Variants in GPC5 observed in about 807,000 individuals in gnomAD.
GPC5 encodes the protein glypican 5.
A neutral mutation model predicts 53.9 loss-of-function variants in GPC5; 47 were observed. The ratio of observed to expected loss-of-function variants is 0.87; its 90% CI spans 0.69 to 1.11. The LOEUF is 1.11. Ranked by LOEUF, GPC5 falls within the 50% of genes most tolerant of loss-of-function variation. GPC5 has a pLI of 0.00. For missense variants in GPC5, 748 were observed against 713.1 expected, an observed-to-expected ratio of 1.05 and a Z score of -0.56; for synonymous variants, 286 against 263.3, an observed-to-expected ratio of 1.09 and a Z score of -0.84.
rs2029912292 is a variant in GPC5, at chr13:91,541,305, G to A, written c.325+92383G>A. 2.0e-5 allele frequency among the ~76,000 whole-genome samples: 3 copies of A among 152,096 alleles called. No homozygotes were observed. The South Asian group carries it at 6.2e-4, about 32-fold the overall frequency. On this transcript the variant is annotated intron_variant, in intron 2 of 7. Transcript: ENST00000377067. The stretch of plus-strand genomic sequence containing the variant: ...AGTTAATTTACTGTTTAGATGGTAA[G>A]AAAATTAAAATTTGGTTAATTTCTT...
intron 6 of GPC5, among the ~76,000 whole-genome samples, chr13:92,008,353 C>T (rs2040629060): frequency 6.6e-6 from 1 of 152,110 alleles, no homozygotes; most frequent in African/African-American, 2.4e-5. Context: ...TGAGCCACTG[C>T]TCCCGGCCGA....
chr13:91,787,319 G>A (rs1382478450), intron 5 of GPC5, among the ~76,000 whole-genome samples: 1 of 152,134 alleles, frequency 6.6e-6, no homozygotes, highest in Non-Finnish European at 1.5e-5. Context: ...TAGTTGCAAT[G>A]CCATATATAT....
chr13:92,716,477 CTTCATCTCTTT>C (rs1410787710), intron 7 of GPC5, among the ~76,000 whole-genome samples: 1 of 151,672 alleles, frequency 6.6e-6, no homozygotes, highest in Non-Finnish European at 1.5e-5. Context: ...TATCCCCTCT[CTTCATCTCTTT>C]TTCATCCTTC....
chr13:92,084,855 A>G (rs1442357864), intron 6 of GPC5, among the ~76,000 whole-genome samples: 2 of 152,206 alleles, frequency 1.3e-5, no homozygotes, highest in Non-Finnish European at 2.9e-5. Flanking sequence ...TCACATTACT[A>G]TAAGAAAACA....
At chr13:92,753,471 C>T (rs557163565) in intron 7 of GPC5, among the ~76,000 whole-genome samples, 16 of 152,316 alleles carry the variant, frequency 1.1e-4, no homozygotes, top group African/African-American at 3.6e-4. Context: ...GGGAACAAAG[C>T]TGGACGGAGA....
intron 2 of GPC5, among the ~76,000 whole-genome samples, chr13:91,472,891 G>T (rs1421807424): frequency 2.0e-5 from 3 of 152,138 alleles, no homozygotes; most frequent in Non-Finnish European, 4.4e-5. Context: ...ATTCTGCTAG[G>T]TGCTGAAAAT....
chr13:91,755,958 C>T (rs1259734070), intron 4 of GPC5, among the ~76,000 whole-genome samples: 4 of 151,418 alleles, frequency 2.6e-5, no homozygotes, highest in South Asian at 2.1e-4. Flanking sequence ...GAAGTGATGT[C>T]GTTCTTTATG....
At chr13:91,597,561 G>A (rs563910980) in intron 2 of GPC5, among the ~76,000 whole-genome samples, 10 of 151,982 alleles carry the variant, frequency 6.6e-5, no homozygotes, top group East Asian at 1.9e-4. Context: ...TACTGCCTGC[G>A]CCAACACCTC....
At chr13:91,895,422 C>A (rs1187402957) in intron 5 of GPC5, among the ~76,000 whole-genome samples, 1 of 152,002 alleles carries the variant, frequency 6.6e-6, no homozygotes, top group Non-Finnish European at 1.5e-5. Flanking sequence ...AGATAATTAC[C>A]CTTGACTACA....
At chr13:92,057,340 G>T (rs1232131115) in intron 6 of GPC5, among the ~76,000 whole-genome samples, 2 of 152,102 alleles carry the variant, frequency 1.3e-5, no homozygotes, top group African/African-American at 4.8e-5. Flanking sequence ...ACTTCTTAAA[G>T]CTTCCAGCCT....
At position 92,527,261 on chromosome 13, in the gene GPC5, AAG is replaced by A. The variant is rs1385822919; in HGVS notation, c.1562-339019_1562-339018del. 3.0e-3 allele frequency among the ~76,000 whole-genome samples: 367 copies of A among 123,048 alleles called. 23 individuals are homozygous for A. Among genetic ancestry groups the A allele is most frequent in the African/African-American group, 8.9e-3 (229 of 25,826 alleles). The allele number at this position is 123,048 out of a possible 152,430, so 80.7% of individuals were successfully genotyped here. ...AGAAAGAAAGAAAGAGAAAGAAAGA[AAG>A]AAAGAAAGAAAGAAAGAAAAAGATC... On this transcript the variant is annotated intron_variant, in intron 7 of 7. Coordinates refer to ENST00000377067, the MANE Select transcript of GPC5 (RefSeq NM_004466.6).
intron 7 of GPC5, among the ~76,000 whole-genome samples, chr13:92,658,580 C>A (rs1390668802): frequency 6.6e-6 from 1 of 152,116 alleles, no homozygotes; most frequent in African/African-American, 2.4e-5. Flanking sequence ...AATCTTCTAG[C>A]GTTAAGAGCT....
At chr13:92,650,629 CCTT>C (rs1405924568) in intron 7 of GPC5, among the ~76,000 whole-genome samples, 1 of 151,854 alleles carries the variant, frequency 6.6e-6, no homozygotes, top group Non-Finnish European at 1.5e-5. Context: ...TAGTTTAAGA[CCTT>C]CTGAGAAAAG....
intron 3 of GPC5, among the ~76,000 whole-genome samples, chr13:91,698,336 T>C (rs895196633): frequency 1.3e-5 from 2 of 152,156 alleles, no homozygotes; most frequent in Admixed American, 6.5e-5. Context: ...GACTTTACGG[T>C]GAATTGTATA....
At chr13:91,722,667 G>T (rs546840625) in intron 3 of GPC5, among the ~76,000 whole-genome samples, 4,995 of 152,162 alleles carry the variant, frequency 0.033, 281 homozygotes, top group African/African-American at 0.11. Flanking sequence ...GAGTTAGAAT[G>T]GGAAAATTTA....
chr13:92,649,648 C>A (rs1003694279), intron 7 of GPC5, among the ~76,000 whole-genome samples: 2 of 151,894 alleles, frequency 1.3e-5, no homozygotes, highest in Non-Finnish European at 2.9e-5. Context: ...GCAAACAGTC[C>A]CTGATATGAA....
intron 7 of GPC5, among the ~76,000 whole-genome samples, chr13:92,621,472 C>T (rs894754560): frequency 1.3e-5 from 2 of 152,100 alleles, no homozygotes; most frequent in African/African-American, 4.8e-5. Context: ...CCACAGAAAA[C>T]GTGACTGAAC....
intron 2 of GPC5, among the ~76,000 whole-genome samples, chr13:91,534,557 T>C (rs1310571315): frequency 1.3e-5 from 2 of 152,204 alleles, no homozygotes; most frequent in Non-Finnish European, 2.9e-5. Flanking sequence ...AGTTAAATAC[T>C]CTGCATTGGA....
At chr13:92,390,030 T>A (rs1874924482) in intron 7 of GPC5, among the ~76,000 whole-genome samples, 1 of 152,100 alleles carries the variant, frequency 6.6e-6, no homozygotes, top group South Asian at 2.1e-4. Context: ...CTTATCACCA[T>A]TTTATGACTT....
Sources: allele counts gnomAD v4.1 joint callset (sites outside exome capture counted in the v4.1 genomes callset), GRCh38; gene constraint gnomAD v4.1.1; transcripts MANE v1.5; gene names NCBI Gene and HGNC (gene_info 2026-07-23, HGNC 2026-07-21).